ATP6V1H: variants seen among roughly 807,000 people sequenced by gnomAD.
ATP6V1H encodes V-type proton ATPase subunit H.
ATP6V1H carries 39 observed loss-of-function variants against 71.7 expected under a neutral mutation model. The observed-to-expected ratio is 0.54, with a 90% CI of 0.42 to 0.71. ATP6V1H has a LOEUF of 0.71. Ranked by LOEUF, ATP6V1H falls within the 30% of genes least tolerant of loss-of-function variation. The pLI is 0.00. For synonymous variants in ATP6V1H, 192 were observed against 199.3 expected, an observed-to-expected ratio of 0.96 and a Z score of 0.31; for missense variants, 509 against 594.9, an observed-to-expected ratio of 0.86 and a Z score of 1.50.
chr8:53,801,763 A>G, intron 8 of ATP6V1H, 36 bp downstream of exon 8: 1 of 1,506,590 alleles, frequency 6.6e-7, no homozygotes, highest in South Asian at 1.2e-5. Context: ...AGATGCTTGT[A>G]AATGTTATTT....
chr8:53,817,329 A>G, intron 5 of ATP6V1H, 88 bp downstream of exon 5: 4 of 853,108 alleles, frequency 4.7e-6, no homozygotes, highest in South Asian at 3.6e-5. Context: ...CTTGAGCCCT[A>G]AAGTTCAAGA....
intron 11 of ATP6V1H, among the ~76,000 whole-genome samples, chr8:53,761,278 A>C (rs1390430418): frequency 6.6e-6 from 1 of 151,780 alleles, no homozygotes; most frequent in African/African-American, 2.4e-5. Flanking sequence ...TGGAGCTTGC[A>C]GTGAGCCGAG....
rs140991050 is a variant in ATP6V1H at position 53,738,105 on chromosome 8, T to C, written c.1391+5472A>G. Among the ~76,000 whole-genome samples, 936 of 152,234 alleles carry C rather than the reference T, an allele frequency of 6.1e-3. 45 individuals carry two copies. The highest frequency in any genetic ancestry group is 0.055 in the Admixed American group (836 of 15,286). On this transcript the variant is annotated intron_variant, in intron 13 of 13. Coordinates refer to ENST00000359530, the MANE Select transcript of ATP6V1H (RefSeq NM_015941.4). ...TCTGCCAACCATTCTATTGAGTTTA[T>C]TGGATTTAAAAGATGTTTCATCTCT...
intron 13 of ATP6V1H, chr8:53,739,664 C>T (rs769834666): frequency 6.6e-6 from 1 of 152,348 alleles, no homozygotes; most frequent in Non-Finnish European, 1.5e-5. Context: ...AAAACGATGA[C>T]ATCTTATGAT....
At chr8:53,825,482 G>C (rs1251117446) in intron 4 of ATP6V1H, among the ~76,000 whole-genome samples, 3 of 151,572 alleles carry the variant, frequency 2.0e-5, no homozygotes, top group African/African-American at 2.4e-5. Context: ...TAAATACTGG[G>C]GGAAAAAAAA....
chr8:53,718,054 T>A (rs1269895521), intron 13 of ATP6V1H, among the ~76,000 whole-genome samples: 1 of 152,208 alleles, frequency 6.6e-6, no homozygotes, highest in Non-Finnish European at 1.5e-5. Context: ...GGCAGGGAAC[T>A]GGTAAGTTAT....
chr8:53,793,052 G>C (rs748125831), intron 9 of ATP6V1H, among the ~76,000 whole-genome samples: 1 of 152,076 alleles, frequency 6.6e-6, no homozygotes, highest in Non-Finnish European at 1.5e-5. Context: ...ATTAACTACC[G>C]ACACCTAGAA....
chr8:53,778,154 CAAATAGTT>C (rs1808959618), intron 9 of ATP6V1H, among the ~76,000 whole-genome samples: 2 of 151,994 alleles, frequency 1.3e-5, no homozygotes, highest in African/African-American at 4.8e-5. Context: ...AGTGCAAAAA[CAAATAGTT>C]AAAGACCCCA....
At chr8:53,834,545 C>A (rs1811099203) in intron 2 of ATP6V1H, among the ~76,000 whole-genome samples, 1 of 152,132 alleles carries the variant, frequency 6.6e-6, no homozygotes, top group African/African-American at 2.4e-5. Flanking sequence ...CCTGCCTCAG[C>A]CTCCCGAGTA....
intron 12 of ATP6V1H, among the ~76,000 whole-genome samples, chr8:53,750,313 A>C (rs2130220585): frequency 6.6e-6 from 1 of 152,360 alleles, no homozygotes; most frequent in Non-Finnish European, 1.5e-5. Flanking sequence ...ACAAGAGTGA[A>C]AAGGGTTCCA....
chr8:53,750,363 C>G (rs980481499), intron 12 of ATP6V1H, among the ~76,000 whole-genome samples: 1 of 152,122 alleles, frequency 6.6e-6, no homozygotes, highest in African/African-American at 2.4e-5. Flanking sequence ...TGAGAAAAAC[C>G]TGATAGTGAT....
intron 13 of ATP6V1H, among the ~76,000 whole-genome samples, chr8:53,728,866 C>T (rs1251199397): frequency 6.6e-6 from 1 of 152,210 alleles, no homozygotes; most frequent in Admixed American, 6.5e-5. Context: ...CCTATCTAAG[C>T]ATGCAACACA....
At chr8:53,840,294 G>C (rs542831427) in intron 2 of ATP6V1H, among the ~76,000 whole-genome samples, 21 of 152,040 alleles carry the variant, frequency 1.4e-4, no homozygotes, top group Non-Finnish European at 2.8e-4. Flanking sequence ...TCAGGAGTTC[G>C]AGACCAGCCT....
chr8:53,750,916 A>G (rs962412248), intron 12 of ATP6V1H, among the ~76,000 whole-genome samples: 3 of 152,340 alleles, frequency 2.0e-5, no homozygotes, highest in Admixed American at 2.0e-4. Context: ...GCAAACACCT[A>G]AAGAGTGCTT....
chr8:53,840,540 A>G (rs946371692), intron 2 of ATP6V1H, among the ~76,000 whole-genome samples: 2 of 152,062 alleles, frequency 1.3e-5, no homozygotes, highest in African/African-American at 4.8e-5. Flanking sequence ...CTATTAATAC[A>G]TCTGACTTCC....
rs559342840 is a variant in ATP6V1H at position 53,821,136 on chromosome 8, C to T, written c.307-3606G>A. ...CTGTAATTCCAGCACTTTGGGAGGC[C>T]GAGGCAGGTGGATCATTTGAGGTCA... On this transcript the variant is annotated intron_variant, in intron 4 of 13. Coordinates refer to ENST00000359530, the MANE Select transcript of ATP6V1H (RefSeq NM_015941.4). Among the ~76,000 whole-genome samples, 138 of 150,380 alleles carry T rather than the reference C, an allele frequency of 9.2e-4. 1 individual carries two copies. The South Asian group carries it at 0.029, about 31-fold the overall frequency.
chr8:53,841,221 A>G (rs1811330301), intron 2 of ATP6V1H, among the ~76,000 whole-genome samples: 2 of 152,200 alleles, frequency 1.3e-5, no homozygotes, highest in South Asian at 4.1e-4. Flanking sequence ...ACCTGCCCCC[A>G]TGCTGATTGC....
intron 11 of ATP6V1H, among the ~76,000 whole-genome samples, chr8:53,765,353 T>C (rs1337722104): frequency 1.3e-5 from 2 of 149,198 alleles, no homozygotes; most frequent in African/African-American, 2.5e-5. Context: ...TAAGCTGAAA[T>C]TGCGCTATTG....
At chr8:53,800,374 T>G (rs549327081) in intron 8 of ATP6V1H, among the ~76,000 whole-genome samples, 5 of 152,206 alleles carry the variant, frequency 3.3e-5, no homozygotes, top group Non-Finnish European at 5.9e-5. Flanking sequence ...GAATTTTTTA[T>G]TTTCTGCCCA....
Sources: allele counts gnomAD v4.1 joint callset (sites outside exome capture counted in the v4.1 genomes callset), GRCh38; gene constraint gnomAD v4.1.1; transcripts MANE v1.5; gene names NCBI Gene and HGNC (gene_info 2026-07-23, HGNC 2026-07-21).